Variants in CACNB2 observed in about 807,000 individuals in gnomAD.
The protein encoded by CACNB2 is voltage-dependent L-type calcium channel subunit beta-2.
CACNB2 carries 42 observed loss-of-function variants against 73.3 expected under a neutral mutation model. The ratio of observed to expected loss-of-function variants is 0.57; its 90% CI spans 0.45 to 0.74. The LOEUF is 0.74. Ranked by LOEUF, CACNB2 falls within the 30% of genes least tolerant of loss-of-function variation. The pLI, the probability that CACNB2 is intolerant of heterozygous loss-of-function variation, is 0.00. For missense variants in CACNB2, 940 were observed against 853.0 expected, an observed-to-expected ratio of 1.10 and a Z score of -1.27; for synonymous variants, 348 against 310.3, an observed-to-expected ratio of 1.12 and a Z score of -1.28.
intron 3 of CACNB2, among the ~76,000 whole-genome samples, chr10:18,427,758 C>G (rs1238619743): frequency 1.3e-5 from 2 of 152,172 alleles, no homozygotes; most frequent in East Asian, 1.9e-4. Flanking sequence ...GAATTTTAGG[C>G]ATGAATTTAT....
chr10:18,534,511 C>G (rs954611025), intron 11 of CACNB2, among the ~76,000 whole-genome samples: 1 of 152,156 alleles, frequency 6.6e-6, no homozygotes, highest in Non-Finnish European at 1.5e-5. Context: ...GCCATTTTCA[C>G]TGTTTTGATA....
At chr10:18,510,323 G>C (rs1182663158) in intron 6 of CACNB2, among the ~76,000 whole-genome samples, 1 of 150,800 alleles carries the variant, frequency 6.6e-6, no homozygotes, top group Non-Finnish European at 1.5e-5. Context: ...GTTTTTTTTT[G>C]AGATGGAGTC....
intron 2 of CACNB2, among the ~76,000 whole-genome samples, chr10:18,366,438 C>T (rs1453091887): frequency 6.9e-6 from 1 of 144,556 alleles, no homozygotes; most frequent in Non-Finnish European, 1.5e-5. Context: ...GCACTCCAGC[C>T]TGGGCGACAG....
intron 2 of CACNB2, among the ~76,000 whole-genome samples, chr10:18,184,665 T>G (rs1231491476): frequency 1.9e-4 from 28 of 150,636 alleles, no homozygotes; most frequent in African/African-American, 6.8e-4. Flanking sequence ...TTTTTTTTTT[T>G]TTTTTTTTTT....
intron 2 of CACNB2, among the ~76,000 whole-genome samples, chr10:18,371,896 T>C (rs144399820): frequency 0.12 from 17,773 of 152,270 alleles, 1,148 homozygotes; most frequent in Non-Finnish European, 0.14. Context: ...ATCCTCATTC[T>C]AACTGGTGTG....
intron 2 of CACNB2, among the ~76,000 whole-genome samples, chr10:18,228,433 C>CAAAAAAAAAAAAAAAAAAAAAAAAAA (rs1164745930): frequency 5.8e-4 from 20 of 34,776 alleles, no homozygotes; most frequent in South Asian, 3.5e-3. Flanking sequence ...AACTCTACCT[C>CAAAAAAAAAAAAAAAAAAAAAAAAAA]AAAAAAAAAA....
At chr10:18,523,339 T>C (rs2052113603) in intron 9 of CACNB2, among the ~76,000 whole-genome samples, 2 of 152,222 alleles carry the variant, frequency 1.3e-5, no homozygotes, top group Non-Finnish European at 2.9e-5. Flanking sequence ...GATTACTACT[T>C]GTACTTAAAC....
At chr10:18,268,167 C>T (rs939406389) in intron 2 of CACNB2, among the ~76,000 whole-genome samples, 2 of 152,162 alleles carry the variant, frequency 1.3e-5, no homozygotes, top group Admixed American at 6.5e-5. Context: ...TCTTGTAAAG[C>T]GTATTGAATT....
intron 2 of CACNB2, among the ~76,000 whole-genome samples, chr10:18,160,476 A>AT (rs2032378030): frequency 6.6e-6 from 1 of 152,132 alleles, no homozygotes; most frequent in Non-Finnish European, 1.5e-5. Flanking sequence ...GTTAAACCAT[A>AT]TAAAGTCTTA....
At chr10:18,400,297 C>T (rs1275543827) in intron 2 of CACNB2, among the ~76,000 whole-genome samples, 1 of 152,162 alleles carries the variant, frequency 6.6e-6, no homozygotes, top group East Asian at 1.9e-4. Context: ...ATAGGACACA[C>T]TTAGTGGAGC....
chr10:18,215,966 G>T (rs1407311584), intron 2 of CACNB2, among the ~76,000 whole-genome samples: 2 of 152,088 alleles, frequency 1.3e-5, no homozygotes, highest in Non-Finnish European at 2.9e-5. Context: ...CTTGGTGATT[G>T]TCATTCTATA....
intron 2 of CACNB2, among the ~76,000 whole-genome samples, chr10:18,185,453 A>G (rs377226476): frequency 1.6e-4 from 24 of 152,266 alleles, no homozygotes; most frequent in African/African-American, 5.5e-4. Context: ...GCAGGGTTAT[A>G]ATGCATTTTG....
chr10:18,255,753 A>G (rs182036187), intron 2 of CACNB2, among the ~76,000 whole-genome samples: 1 of 152,220 alleles, frequency 6.6e-6, no homozygotes, highest in Non-Finnish European at 1.5e-5. Flanking sequence ...GAGTCTAATG[A>G]GTATTTAAGC....
intron 2 of CACNB2, among the ~76,000 whole-genome samples, chr10:18,346,354 G>T (rs2041455072): frequency 6.6e-6 from 1 of 152,006 alleles, no homozygotes; most frequent in Non-Finnish European, 1.5e-5. Flanking sequence ...TGGCCAGGCT[G>T]GTCTCAAACT....
intron 3 of CACNB2, among the ~76,000 whole-genome samples, chr10:18,415,453 A>C (rs113439753): frequency 0.023 from 3,224 of 140,860 alleles, 130 homozygotes; most frequent in African/African-American, 0.081. Flanking sequence ...ATGACACAGA[A>C]AGACCTTGTC....
At chr10:18,498,114 T>C (rs1336442563) in intron 3 of CACNB2, among the ~76,000 whole-genome samples, 1 of 152,212 alleles carries the variant, frequency 6.6e-6, no homozygotes, top group African/African-American at 2.4e-5. Flanking sequence ...TCATTACTTG[T>C]AGTGCTTTCA....
rs569210610 is a variant in CACNB2, at chr10:18,350,252, A to T, written c.214-51672A>T. 2.6e-3 allele frequency among the ~76,000 whole-genome samples: 403 copies of T among 152,264 alleles called. 1 individual carries two copies. Among genetic ancestry groups the T allele is most frequent in the African/African-American group, 9.1e-3 (380 of 41,542 alleles). On this transcript the variant is annotated intron_variant, in intron 2 of 13. Transcript: ENST00000324631. ...AAGAGCAAAACTCAGTCTCAAAAAAATTTTTTTAAAATAATAAAAATAATA... is the reference window on the plus strand; with the variant it reads ...AAGAGCAAAACTCAGTCTCAAAAAATTTTTTTTAAAATAATAAAAATAATA...
intron 3 of CACNB2, among the ~76,000 whole-genome samples, chr10:18,413,247 C>T (rs1455296770): frequency 1.3e-5 from 2 of 152,212 alleles, no homozygotes; most frequent in African/African-American, 2.4e-5. Flanking sequence ...GCTGGGATTA[C>T]GGGCATGAGC....
intron 3 of CACNB2, among the ~76,000 whole-genome samples, chr10:18,407,791 T>C (rs2132593499): frequency 6.6e-6 from 1 of 152,322 alleles, no homozygotes; most frequent in African/African-American, 2.4e-5. Context: ...ATGTCTAATT[T>C]CCAAGAGCAT....
Sources: gnomAD v4.1 joint callset for allele counts (sites outside exome capture counted in the v4.1 genomes callset) on GRCh38, gnomAD v4.1.1 for gene constraint, MANE v1.5 for transcripts, NCBI Gene and HGNC (gene_info 2026-07-23, HGNC 2026-07-21) for gene names.